The following BICD1 variants were observed in gnomAD, a reference collection of about 807,000 sequenced individuals.
The protein encoded by BICD1 is protein bicaudal D homolog 1.
A neutral mutation model predicts 92.5 loss-of-function variants in BICD1; 35 were observed. The observed-to-expected ratio is 0.38, with a 90% CI of 0.29 to 0.50. The LOEUF (loss-of-function observed/expected upper bound fraction) is 0.50, where lower values mean the gene tolerates loss of function less well. BICD1 is among the 20% of genes least tolerant of loss of function. BICD1 has a pLI of 0.93. For synonymous variants in BICD1, 429 were observed against 465.1 expected (o/e 0.92, Z 1.00); for missense variants, 950 against 1,189.8 (o/e 0.80, Z 2.97).
chr12:32,219,915 A>G (rs1430188775), intron 2 of BICD1, among the ~76,000 whole-genome samples: 7 of 152,230 alleles, frequency 4.6e-5, no homozygotes, highest in Non-Finnish European at 4.4e-5. Flanking sequence ...ATGGAACAGA[A>G]CAGAGCCCTT....
chr12:32,351,358 C>T (rs1222626487), intron 8 of BICD1, among the ~76,000 whole-genome samples: 12 of 150,358 alleles, frequency 8.0e-5, no homozygotes, highest in African/African-American at 2.4e-4. Context: ...TGGTGGCGCA[C>T]GCCTGTAATT....
chr12:32,199,262 G>A (rs1944831077), intron 1 of BICD1, among the ~76,000 whole-genome samples: 1 of 152,212 alleles, frequency 6.6e-6, no homozygotes, highest in African/African-American at 2.4e-5. Flanking sequence ...AATAAGAGTT[G>A]CTTAAGCATG....
chr12:32,299,355 C>G (rs1458965851), intron 3 of BICD1, among the ~76,000 whole-genome samples: 1 of 152,150 alleles, frequency 6.6e-6, no homozygotes, highest in South Asian at 2.1e-4. Flanking sequence ...CATGGTGCAG[C>G]CTTACAACAA....
intron 8 of BICD1, among the ~76,000 whole-genome samples, chr12:32,364,958 G>A (rs922911290): frequency 9.2e-5 from 14 of 151,528 alleles, no homozygotes; most frequent in African/African-American, 7.3e-5. Context: ...TAAATAGGCC[G>A]AGTGCAGTGG....
chr12:32,223,809 G>C (rs1203961403), intron 2 of BICD1, among the ~76,000 whole-genome samples: 2 of 152,118 alleles, frequency 1.3e-5, no homozygotes, highest in African/African-American at 4.8e-5. Flanking sequence ...GGCCACTGTG[G>C]GGTTACTAAT....
chr12:32,206,533 G>C lies in BICD1; in HGVS notation c.214-9714G>C, dbSNP rs369604940. ...AGGTAGGAGAATCACTTGAACCTGG[G>C]AGATGGAGGTTGCAGTGAGCCGAGA... On this transcript the variant is annotated intron_variant, in intron 1 of 9. Transcript: ENST00000652176. 7.9e-5 allele frequency among the ~76,000 whole-genome samples: 12 copies of C among 152,288 alleles called. No homozygotes were observed. In the East Asian group the frequency reaches 1.5e-3, roughly 20 times the overall value.
At chr12:32,153,754 T>C (rs919491520) in intron 1 of BICD1, among the ~76,000 whole-genome samples, 1 of 149,666 alleles carries the variant, frequency 6.7e-6, no homozygotes, top group Non-Finnish European at 1.5e-5. Context: ...AGACTTTGTA[T>C]ATATATGTGT....
intron 2 of BICD1, among the ~76,000 whole-genome samples, chr12:32,237,409 A>T (rs1176725460): frequency 6.6e-6 from 1 of 152,262 alleles, no homozygotes; most frequent in Non-Finnish European, 1.5e-5. Context: ...AGCTGGCTTC[A>T]CCAAATAACA....
intron 3 of BICD1, among the ~76,000 whole-genome samples, chr12:32,302,455 C>T (rs1001502494): frequency 6.6e-6 from 1 of 152,164 alleles, no homozygotes; most frequent in African/African-American, 2.4e-5. Flanking sequence ...GGACACATGC[C>T]TTTGAGCAGG....
chr12:32,362,229 G>T (rs1196404492), intron 8 of BICD1, among the ~76,000 whole-genome samples: 1 of 152,194 alleles, frequency 6.6e-6, no homozygotes, highest in Admixed American at 6.5e-5. Flanking sequence ...GCATGGTGGT[G>T]CATGCCTGTA....
intron 2 of BICD1, among the ~76,000 whole-genome samples, chr12:32,278,403 T>C (rs1167938508): frequency 2.0e-5 from 3 of 152,174 alleles, no homozygotes; most frequent in African/African-American, 7.2e-5. Context: ...AGATAACCAA[T>C]CTACTTTGGG....
At chr12:32,310,353 A>G (rs1359862922) in intron 4 of BICD1, among the ~76,000 whole-genome samples, 2 of 152,202 alleles carry the variant, frequency 1.3e-5, no homozygotes, top group Non-Finnish European at 2.9e-5. Context: ...CAAAAATGAC[A>G]TTGTGGGAGA....
intron 1 of BICD1, among the ~76,000 whole-genome samples, chr12:32,128,929 T>C (rs1942439024): frequency 1.4e-5 from 2 of 147,628 alleles, no homozygotes; most frequent in African/African-American, 5.0e-5. Flanking sequence ...TGCACCACCA[T>C]GTCCAACTAA....
intron 1 of BICD1, among the ~76,000 whole-genome samples, chr12:32,158,502 G>A (rs1328325871): frequency 2.6e-5 from 4 of 152,152 alleles, no homozygotes; most frequent in African/African-American, 2.4e-5. Flanking sequence ...AAAAAATTAA[G>A]TGAGTTAATA....
intron 1 of BICD1, among the ~76,000 whole-genome samples, chr12:32,189,444 G>A (rs1944505815): frequency 6.6e-6 from 1 of 152,140 alleles, no homozygotes; most frequent in Non-Finnish European, 1.5e-5. Context: ...ATAATGGCAG[G>A]TCAGAAATGG....
intron 9 of BICD1, among the ~76,000 whole-genome samples, 149 bp from the exon 10 acceptor site, chr12:32,377,387 TTATC>T (rs1309698569): frequency 6.6e-6 from 1 of 152,246 alleles, no homozygotes; most frequent in East Asian, 1.9e-4. Context: ...AAAGCTACCA[TTATC>T]TTGGCATGCT....
chr12:32,331,608 A>G (rs887922611), intron 5 of BICD1, among the ~76,000 whole-genome samples: 7 of 152,200 alleles, frequency 4.6e-5, no homozygotes, highest in African/African-American at 1.4e-4. Flanking sequence ...GTAATTTTAT[A>G]CAATTTTTTT....
intron 2 of BICD1, among the ~76,000 whole-genome samples, chr12:32,277,310 C>T (rs1393099142): frequency 1.3e-5 from 2 of 152,202 alleles, no homozygotes; most frequent in Non-Finnish European, 2.9e-5. Flanking sequence ...AGGAAAATTG[C>T]TTGAACCGGG....
At position 32,380,021 on chromosome 12, in the gene BICD1, T is replaced by C. The variant is rs961780690; in HGVS notation, c.*2394T>C. On this transcript the variant is annotated 3_prime_UTR_variant, in exon 10 of 10. Transcript: ENST00000652176. ...TATTATAAACTAGTTTCATTTCAGTTATTTATCTTCATAGAGTGGGAAAGT... is the reference window on the plus strand; with the variant it reads ...TATTATAAACTAGTTTCATTTCAGTCATTTATCTTCATAGAGTGGGAAAGT... The C allele has an allele frequency of 3.9e-5, 6 of 152,252 alleles. No individual in the cohort carries two copies. Among genetic ancestry groups the C allele is most frequent in the African/African-American group, 1.2e-4 (5 of 41,474 alleles). The allele number at this position is 152,252 out of a possible 1,614,324, so 9.4% of individuals were successfully genotyped here.
Sources: allele counts gnomAD v4.1 joint callset (sites outside exome capture counted in the v4.1 genomes callset), GRCh38; gene constraint gnomAD v4.1.1; transcripts MANE v1.5; gene names NCBI Gene and HGNC (gene_info 2026-07-23, HGNC 2026-07-21).